Variants in COTL1 observed in about 807,000 individuals in gnomAD.
The protein encoded by COTL1 is coactosin-like protein.
Under a neutral mutation model 16.5 loss-of-function variants are expected in COTL1, and 15 were observed. That is an observed-to-expected ratio of 0.91 (90% CI 0.61 to 1.40). COTL1 has a LOEUF of 1.40. COTL1 is among the 40% of genes most tolerant of loss of function. The pLI is 0.00. For missense variants in COTL1, 220 were observed against 201.5 expected, an observed-to-expected ratio of 1.09 and a Z score of -0.56; for synonymous variants, 112 against 85.3, an observed-to-expected ratio of 1.31 and a Z score of -1.73.
chr16:84,593,778 C>T (rs531191588), intron 2 of COTL1, among the ~76,000 whole-genome samples: 2 of 152,318 alleles, frequency 1.3e-5, no homozygotes, highest in African/African-American at 2.4e-5. Flanking sequence ...GGATTACAAG[C>T]GTGAGCCACC....
chr16:84,609,612 T>C (rs1905279004), intron 2 of COTL1, among the ~76,000 whole-genome samples: 1 of 152,224 alleles, frequency 6.6e-6, no homozygotes, highest in Non-Finnish European at 1.5e-5. Flanking sequence ...AAAATCTATC[T>C]GATATGGTTT....
At chr16:84,584,688 G>C (rs61705969) in intron 3 of COTL1, among the ~76,000 whole-genome samples, 4,450 of 152,278 alleles carry the variant, frequency 0.029, 229 homozygotes, top group African/African-American at 0.1. Context: ...CATTTCTTGC[G>C]TGAACTGTGC....
chr16:84,598,235 A>G (rs1257876513), intron 2 of COTL1, among the ~76,000 whole-genome samples: 1 of 152,088 alleles, frequency 6.6e-6, no homozygotes, highest in African/African-American at 2.4e-5. Context: ...ACGTTAATAA[A>G]ACTTCACTCT....
At chr16:84,603,480 C>T (rs1342841425) in intron 2 of COTL1, among the ~76,000 whole-genome samples, 2 of 152,140 alleles carry the variant, frequency 1.3e-5, no homozygotes, top group East Asian at 3.9e-4. Flanking sequence ...AGCAAGCCTC[C>T]CCCTGGAGGT....
chr16:84,579,689 A>C (rs912334644), intron 3 of COTL1, among the ~76,000 whole-genome samples: 1 of 152,208 alleles, frequency 6.6e-6, no homozygotes, highest in African/African-American at 2.4e-5. Context: ...GACTTAGAAT[A>C]AAACCACCAC....
At chr16:84,586,927 G>C (rs760286172) in intron 3 of COTL1, among the ~76,000 whole-genome samples, 4 of 152,158 alleles carry the variant, frequency 2.6e-5, no homozygotes, top group Non-Finnish European at 4.4e-5. Context: ...GAAGACAAAA[G>C]AGAATTGCAA....
chr16:84,605,176 T>C (rs1265670522), intron 2 of COTL1, among the ~76,000 whole-genome samples: 4 of 152,210 alleles, frequency 2.6e-5, no homozygotes, highest in Admixed American at 2.6e-4. Flanking sequence ...CCCACGGTGT[T>C]CCACAGAAGA....
At chr16:84,589,011 C>T (rs1904798874) in intron 3 of COTL1, among the ~76,000 whole-genome samples, 1 of 152,142 alleles carries the variant, frequency 6.6e-6, no homozygotes, top group African/African-American at 2.4e-5. Context: ...CGCTCTGTTG[C>T]CCAGGCTGGA....
At chr16:84,601,160 G>A (rs1379532989) in intron 2 of COTL1, among the ~76,000 whole-genome samples, 1 of 152,178 alleles carries the variant, frequency 6.6e-6, no homozygotes, top group Non-Finnish European at 1.5e-5. Flanking sequence ...TTATACTCTT[G>A]TGTCTGCTTT....
At chr16:84,604,085 A>C in intron 2 of COTL1, among the ~76,000 whole-genome samples, 2 of 103,762 alleles carry the variant, frequency 1.9e-5, no homozygotes, top group Admixed American at 1.0e-4. Flanking sequence ...CATACTCCCC[A>C]ACCGCCTTCT....
intron 3 of COTL1, among the ~76,000 whole-genome samples, chr16:84,583,582 G>C (rs556324529): frequency 5.7e-4 from 86 of 152,072 alleles, no homozygotes; most frequent in South Asian, 1.5e-3. Flanking sequence ...TCAGACTCCT[G>C]AGTAGCTGGG....
At chr16:84,581,267 GTTATGCAAATAC>G (rs1173527027) in intron 3 of COTL1, among the ~76,000 whole-genome samples, 1 of 152,130 alleles carries the variant, frequency 6.6e-6, no homozygotes, top group Non-Finnish European at 1.5e-5. Flanking sequence ...GGCCCTTCTG[GTTATGCAAATAC>G]CGTCCTTCCA....
rs139525591 is a variant in COTL1 at position 84,606,286 on chromosome 16, G to A, written c.160+11215C>T. On this transcript the variant is annotated intron_variant, in intron 2 of 3. Transcript: ENST00000262428. ...AGTCACATGGCCAGTGGTAGCGGCC[G>A]GGAGCCTTGTGGGCCACTGGGCTGT... Among the ~76,000 whole-genome samples the A allele has an allele frequency of 2.2e-3, 337 of 152,334 alleles. 2 individuals are homozygous for A. Among genetic ancestry groups the A allele is most frequent in the African/African-American group, 6.0e-3 (250 of 41,590 alleles).
At chr16:84,588,147 T>C (rs1243118862) in intron 3 of COTL1, among the ~76,000 whole-genome samples, 2 of 152,088 alleles carry the variant, frequency 1.3e-5, no homozygotes, top group African/African-American at 4.8e-5. Flanking sequence ...TTTCGGAGGC[T>C]GAGGTGTAGG....
chr16:84,605,610 T>C (rs913368659), intron 2 of COTL1, among the ~76,000 whole-genome samples: 3 of 152,186 alleles, frequency 2.0e-5, no homozygotes, highest in Non-Finnish European at 4.4e-5. Flanking sequence ...GCTGGCATCA[T>C]GAGGACTCGA....
chr16:84,609,161 T>A (rs540418799), intron 2 of COTL1, among the ~76,000 whole-genome samples: 45 of 152,304 alleles, frequency 3.0e-4, no homozygotes, highest in African/African-American at 7.9e-4. Context: ...AATATTCAGG[T>A]GCAAAACAGC....
chr16:84,581,976 TTC>T (rs1567533030), intron 3 of COTL1, among the ~76,000 whole-genome samples: 1 of 80,212 alleles, frequency 1.2e-5, no homozygotes, highest in Non-Finnish European at 2.9e-5. Context: ...GATACATTTC[TTC>T]TTTTTTTTTT....
At chr16:84,578,154 T>G (rs1330442486) in intron 3 of COTL1, among the ~76,000 whole-genome samples, 5 of 152,098 alleles carry the variant, frequency 3.3e-5, no homozygotes, top group African/African-American at 1.2e-4. Flanking sequence ...AGCCCAAGCT[T>G]ATTGATCAGT....
chr16:84,604,105 T>TC (rs1376318243), intron 2 of COTL1, among the ~76,000 whole-genome samples: 1 of 104,902 alleles, frequency 9.5e-6, no homozygotes, highest in Non-Finnish European at 1.9e-5. Flanking sequence ...TCACCCATGC[T>TC]CCCCTCCCAC....
Sources: gnomAD v4.1 joint callset for allele counts (sites outside exome capture counted in the v4.1 genomes callset) on GRCh38, gnomAD v4.1.1 for gene constraint, MANE v1.5 for transcripts, NCBI Gene and HGNC (gene_info 2026-07-23, HGNC 2026-07-21) for gene names.